FANCD2: variants seen among roughly 807,000 people sequenced by gnomAD.
The protein encoded by FANCD2 is Fanconi anemia group D2 protein.
Under a neutral mutation model 192.3 loss-of-function variants are expected in FANCD2, and 131 were observed. The observed-to-expected ratio is 0.68, with a 90% CI of 0.59 to 0.79. The LOEUF is 0.79. Ranked by LOEUF, FANCD2 falls within the 30% of genes least tolerant of loss-of-function variation. The pLI is 0.00. For synonymous variants in FANCD2, 524 were observed against 612.5 expected, an observed-to-expected ratio of 0.86 and a Z score of 2.13; for missense variants, 1,508 against 1,701.6, an observed-to-expected ratio of 0.89 and a Z score of 2.00.
chr3:10,065,272 G>A, intron 23 of FANCD2, 122 bp from the exon 24 acceptor site: 2 of 759,070 alleles, frequency 2.6e-6, no homozygotes, highest in South Asian at 1.4e-5. Flanking sequence ...CTGGGCGACA[G>A]AGCAAGACTC....
At chr3:10,062,874 G>A (rs879412651) in intron 20 of FANCD2, among the ~76,000 whole-genome samples, 2 of 151,956 alleles carry the variant, frequency 1.3e-5, no homozygotes, top group Admixed American at 6.6e-5. Context: ...TAGTAGAGAC[G>A]GGGTTTCACC....
At chr3:10,030,965 T>C (rs1262308900) in intron 2 of FANCD2, among the ~76,000 whole-genome samples, 1 of 151,868 alleles carries the variant, frequency 6.6e-6, no homozygotes, top group Non-Finnish European at 1.5e-5. Flanking sequence ...AATTAGAATA[T>C]AGAGAAATTG....
intron 25 of FANCD2, among the ~76,000 whole-genome samples, chr3:10,066,769 G>T (rs1178059798): frequency 6.6e-6 from 1 of 152,144 alleles, no homozygotes; most frequent in Non-Finnish European, 1.5e-5. Context: ...CTGTCACCCA[G>T]GCTGGAGTGC....
Position 10,041,722 on chromosome 3 carries a change from T to C in FANCD2, c.783+12T>C. On this transcript the variant is annotated intron_variant, in intron 10 of 43. Coordinates refer to ENST00000675286, the MANE Select transcript of FANCD2 (RefSeq NM_001018115.3). ...ACTTCCTATTGAAGGTAGAAAAGACTCAGCTTTCCAGAAACAGAGCCAGCT... is the reference window on the plus strand; with the variant it reads ...ACTTCCTATTGAAGGTAGAAAAGACCCAGCTTTCCAGAAACAGAGCCAGCT... 1 of 1,605,736 alleles carries C rather than the reference T, an allele frequency of 6.2e-7. No individual in the cohort carries two copies. The highest frequency in any genetic ancestry group is 1.7e-4 in the Middle Eastern group (1 of 6,036).
At chr3:10,042,942 A>G (rs779387854) in intron 11 of FANCD2, 108 bp from the exon 12 acceptor site, 20 of 1,015,882 alleles carry the variant, frequency 2.0e-5, no homozygotes, top group Middle Eastern at 4.4e-4. Context: ...CAACATTTAA[A>G]TTTTTTTCTT....
chr3:10,088,593 C>A, intron 35 of FANCD2, 51 bp downstream of exon 35: 7 of 1,322,206 alleles, frequency 5.3e-6, no homozygotes, highest in Non-Finnish European at 7.7e-6. Context: ...TTCTATTTTG[C>A]TACTGTTGTT....
intron 26 of FANCD2, among the ~76,000 whole-genome samples, chr3:10,070,040 T>G (rs1203596526): frequency 7.5e-6 from 1 of 133,720 alleles, no homozygotes; most frequent in Non-Finnish European, 1.6e-5. Context: ...CGGCCACCCA[T>G]CGTCTGAGAT....
intron 21 of FANCD2, 58 bp from the exon 22 acceptor site, chr3:10,064,298 T>C: frequency 8.8e-7 from 1 of 1,133,482 alleles, no homozygotes; most frequent in Non-Finnish European, 1.3e-6. Context: ...GTAATTTATC[T>C]AGGGCTGTAC....
At position 10,036,086 on chromosome 3, in the gene FANCD2, C is replaced by CTTTTTTTTTTTTTTTTTTT. The variant is rs532765216; in HGVS notation, c.439-200_439-182dup. On this transcript the variant is annotated intron_variant, in intron 6 of 43. Transcript: ENST00000675286. The stretch of plus-strand genomic sequence containing the variant: ...TAGTTGGAAAGAGAATTATACATTT[C>CTTTTTTTTTTTTTTTTTTT]TTTTTTTTTTTTTTTTTTTGAGTCA... Among the ~76,000 whole-genome samples the CTTTTTTTTTTTTTTTTTTT allele has an allele frequency of 2.9e-3, 295 of 102,536 alleles. 44 individuals carry two copies. Among genetic ancestry groups the CTTTTTTTTTTTTTTTTTTT allele is most frequent in the African/African-American group, 0.011 (257 of 23,954 alleles). 67.3% of individuals were successfully genotyped at this position (102,536 alleles called of 152,430 possible). A position where few individuals can be genotyped will look rare whatever the true frequency, so the allele number is the denominator to read the frequency against.
chr3:10,027,116 A>T (rs1296228305), intron 1 of FANCD2, among the ~76,000 whole-genome samples: 1 of 152,230 alleles, frequency 6.6e-6, no homozygotes, highest in African/African-American at 2.4e-5. Context: ...TTTCCCCTGC[A>T]CTGCGAGCTT....
intron 18 of FANCD2, among the ~76,000 whole-genome samples, chr3:10,054,452 T>C (rs1240475674): frequency 4.3e-5 from 1 of 23,062 alleles, no homozygotes; most frequent in Non-Finnish European, 8.6e-5. Flanking sequence ...TATACATATA[T>C]ATATATATAT....
At chr3:10,099,370 C>T in intron 43 of FANCD2, 1 of 1,151,366 alleles carries the variant, frequency 8.7e-7, no homozygotes, top group Non-Finnish European at 1.1e-6. Context: ...TGCTTGTAAT[C>T]CTAGCACTTT....
rs752477548 is a variant in FANCD2 at position 10,062,139 on chromosome 3, C to A, written c.1767-12C>A. On this transcript the variant is annotated splice_polypyrimidine_tract_variant and intron_variant, in intron 19 of 43. Coordinates refer to ENST00000675286, the MANE Select transcript of FANCD2 (RefSeq NM_001018115.3). ...TATAATAATAATTTAAAAAAAAATT[C>A]TTTGTTTTTAGAAGTGAATCACCTA... 1.6e-5 allele frequency: 26 copies of A among 1,602,502 alleles called. 1 individual carries two copies. The highest frequency in any genetic ancestry group is 1.7e-4 in the Middle Eastern group (1 of 5,948).
At chr3:10,083,897 A>G (rs1293888500) in intron 32 of FANCD2, among the ~76,000 whole-genome samples, 3 of 151,238 alleles carry the variant, frequency 2.0e-5, no homozygotes, top group African/African-American at 7.3e-5. Context: ...CAAAAAAAAA[A>G]AAAAAAAAAA....
At chr3:10,096,513 T>C (rs775806507) in intron 42 of FANCD2, 41 bp downstream of exon 42, 11 of 1,601,734 alleles carry the variant, frequency 6.9e-6, no homozygotes, top group Non-Finnish European at 9.4e-6. Flanking sequence ...CCTACTCTTA[T>C]TCTTTGTGAC....
chr3:10,032,394 C>T, intron 2 of FANCD2: 1 of 317,532 alleles, frequency 3.1e-6, no homozygotes. Context: ...TATTCTTCCG[C>T]CTTAGCCTCC....
At chr3:10,097,945 T>G (rs1379376027) in intron 42 of FANCD2, among the ~76,000 whole-genome samples, 2 of 152,122 alleles carry the variant, frequency 1.3e-5, no homozygotes, top group African/African-American at 4.8e-5. Context: ...GGTCCCTGAC[T>G]TCCCGCAACA....
Position 10,090,395 on chromosome 3 carries a change from A to G in FANCD2, c.3777+10A>G. The G allele has an allele frequency of 6.4e-7, 1 of 1,565,826 alleles. No individual in the cohort carries two copies. The highest frequency in any genetic ancestry group is 1.1e-5 in the South Asian group (1 of 90,120). On this transcript the variant is annotated intron_variant, in intron 37 of 43. Transcript: ENST00000675286. Reference sequence around the variant, plus strand: ...AGCAGACTCGCAGCAGGTGAGTAAGATAATAGTCACTTCAAGAAGTGGACT... The same window carrying G: ...AGCAGACTCGCAGCAGGTGAGTAAGGTAATAGTCACTTCAAGAAGTGGACT...
chr3:10,041,842 C>G (rs1244951647), intron 10 of FANCD2, 132 bp downstream of exon 10: 13 of 545,696 alleles, frequency 2.4e-5, no homozygotes, highest in Non-Finnish European at 4.3e-5. Context: ...TGATATCTCT[C>G]TTTTTTTTTT....
Sources: gnomAD v4.1 joint callset for allele counts (sites outside exome capture counted in the v4.1 genomes callset) on GRCh38, gnomAD v4.1.1 for gene constraint, MANE v1.5 for transcripts, NCBI Gene and HGNC (gene_info 2026-07-23, HGNC 2026-07-21) for gene names.